Variants in COL24A1 observed in about 807,000 individuals in gnomAD.
The protein encoded by COL24A1 is collagen type XXIV alpha 1 chain, also known as collagen alpha-1(XXIV) chain.
In COL24A1, 224 loss-of-function variants were observed where a neutral mutation model predicts 253.9. That is an observed-to-expected ratio of 0.88 (90% confidence interval 0.79 to 0.99). The LOEUF (loss-of-function observed/expected upper bound fraction) is 0.99, where lower values mean the gene tolerates loss of function less well. Ranked by LOEUF, COL24A1 falls within the 50% of genes least tolerant of loss-of-function variation. The pLI is 0.00. For synonymous variants in COL24A1, 685 were observed against 673.7 expected, an observed-to-expected ratio of 1.02 and a Z score of -0.26; for missense variants, 2,131 against 2,068.5, an observed-to-expected ratio of 1.03 and a Z score of -0.59.
At chr1:85,906,858 G>A (rs957692421) in intron 28 of COL24A1, among the ~76,000 whole-genome samples, 7 of 151,644 alleles carry the variant, frequency 4.6e-5, no homozygotes, top group African/African-American at 1.2e-4. Context: ...TCCTTGCTAT[G>A]TAAGTCTGTA....
chr1:85,835,191 C>T (rs970489792), intron 43 of COL24A1, among the ~76,000 whole-genome samples: 3 of 138,962 alleles, frequency 2.2e-5, no homozygotes, highest in Non-Finnish European at 3.3e-5. Context: ...ATGATCTTGG[C>T]TCACTGCAAC....
chr1:86,128,233 G>A (rs575988851), intron 2 of COL24A1, among the ~76,000 whole-genome samples: 6 of 151,852 alleles, frequency 4.0e-5, no homozygotes, highest in Non-Finnish European at 7.4e-5. Context: ...AATTACTTAT[G>A]AGCTAAATCA....
At chr1:86,104,161 C>T (rs1032103862) in intron 5 of COL24A1, among the ~76,000 whole-genome samples, 1 of 151,976 alleles carries the variant, frequency 6.6e-6, no homozygotes, top group Admixed American at 6.6e-5. Context: ...CTTTCTTCGG[C>T]TTGGTCTGTT....
intron 31 of COL24A1, among the ~76,000 whole-genome samples, chr1:85,892,128 T>C (rs1018958795): frequency 1.3e-5 from 2 of 152,126 alleles, no homozygotes; most frequent in Admixed American, 1.3e-4. Flanking sequence ...AGAAGTTAAG[T>C]AATTTGTACA....
intron 47 of COL24A1, among the ~76,000 whole-genome samples, chr1:85,797,495 A>C (rs17128337): frequency 0.012 from 1,871 of 152,292 alleles, 48 homozygotes; most frequent in African/African-American, 0.043. Flanking sequence ...AGTGGAAATA[A>C]AGTACACAAA....
intron 53 of COL24A1, among the ~76,000 whole-genome samples, chr1:85,766,654 G>A (rs1667414227): frequency 6.6e-6 from 1 of 152,020 alleles, no homozygotes; most frequent in Non-Finnish European, 1.5e-5. Context: ...TACTTTTCAT[G>A]TATTGTATAA....
chr1:86,093,011 A>G (rs1703617370), intron 5 of COL24A1, among the ~76,000 whole-genome samples: 1 of 152,046 alleles, frequency 6.6e-6, no homozygotes, highest in African/African-American at 2.4e-5. Context: ...CTCAAAATAT[A>G]GGGGCCACAA....
At chr1:85,733,330 A>G (rs1663702929) in intron 59 of COL24A1, among the ~76,000 whole-genome samples, 1 of 152,178 alleles carries the variant, frequency 6.6e-6, no homozygotes, top group Non-Finnish European at 1.5e-5. Flanking sequence ...TCTTCTCTAA[A>G]GGGCCAGATA....
intron 55 of COL24A1, among the ~76,000 whole-genome samples, chr1:85,754,787 GA>G (rs541392757): frequency 2.7e-5 from 4 of 149,920 alleles, no homozygotes; most frequent in Admixed American, 6.6e-5. Flanking sequence ...TTGAGGAGTG[GA>G]AAAAAAAATG....
intron 3 of COL24A1, among the ~76,000 whole-genome samples, chr1:86,117,872 C>T (rs1239876171): frequency 6.6e-6 from 1 of 152,162 alleles, no homozygotes; most frequent in Non-Finnish European, 1.5e-5. Context: ...AATCATGCCT[C>T]AATCATTTAC....
chr1:85,942,359 TGA>T (rs56289219), intron 24 of COL24A1, among the ~76,000 whole-genome samples: 29,159 of 152,124 alleles, frequency 0.19, 3,140 homozygotes, highest in Non-Finnish European at 0.24. Flanking sequence ...TCTTGTATTG[TGA>T]TTTCCTCTTG....
chr1:86,076,538 C>T (rs1702261616), intron 7 of COL24A1, among the ~76,000 whole-genome samples: 1 of 152,196 alleles, frequency 6.6e-6, no homozygotes, highest in Non-Finnish European at 1.5e-5. Context: ...TTAGAAAAAA[C>T]TACTTTAAAT....
At chr1:85,819,679 T>C (rs1209215298) in intron 45 of COL24A1, among the ~76,000 whole-genome samples, 1 of 151,812 alleles carries the variant, frequency 6.6e-6, no homozygotes, top group East Asian at 1.9e-4. Flanking sequence ...AGATTTAAAA[T>C]AATAATAATA....
intron 2 of COL24A1, among the ~76,000 whole-genome samples, chr1:86,137,997 A>G (rs1163690385): frequency 2.8e-4 from 43 of 152,076 alleles, no homozygotes; most frequent in Non-Finnish European, 1.5e-5. Flanking sequence ...TATCTCTCTG[A>G]TCACATCTCC....
chr1:86,060,945 G>C (rs554252548), intron 8 of COL24A1, among the ~76,000 whole-genome samples: 13 of 151,328 alleles, frequency 8.6e-5, no homozygotes, highest in African/African-American at 2.7e-4. Context: ...CTTATCATGG[G>C]CCAGGCACTA....
At chr1:85,927,523 C>T (rs1687440078) in intron 24 of COL24A1, among the ~76,000 whole-genome samples, 1 of 129,328 alleles carries the variant, frequency 7.7e-6, no homozygotes, top group South Asian at 3.1e-4. Context: ...CCGCCATTGC[C>T]CAGGCTTGCT....
intron 12 of COL24A1, chr1:86,045,910 T>A: frequency 2.4e-6 from 1 of 417,266 alleles, no homozygotes; most frequent in Non-Finnish European, 4.8e-6. Flanking sequence ...AGCAGAAATA[T>A]CTAGGCAGTA....
intron 24 of COL24A1, among the ~76,000 whole-genome samples, chr1:85,949,938 A>G (rs1045415698): frequency 1.3e-5 from 2 of 151,930 alleles, no homozygotes; most frequent in Non-Finnish European, 2.9e-5. Context: ...TATAAAACTA[A>G]CTGTTATTCA....
intron 20 of COL24A1, among the ~76,000 whole-genome samples, chr1:85,983,042 C>G (rs1693400793): frequency 1.3e-5 from 2 of 151,968 alleles, no homozygotes; most frequent in Admixed American, 1.3e-4. Flanking sequence ...TGTAATAATT[C>G]AGTGCAAGAA....
Sources: allele counts gnomAD v4.1 joint callset (sites outside exome capture counted in the v4.1 genomes callset), GRCh38; gene constraint gnomAD v4.1.1; transcripts MANE v1.5; gene names NCBI Gene and HGNC (gene_info 2026-07-23, HGNC 2026-07-21).